ELAVL3: variants seen among roughly 807,000 people sequenced by gnomAD.
ELAVL3 encodes the protein ELAV-like protein 3.
In ELAVL3, 8 loss-of-function variants were observed where a neutral mutation model predicts 34.2. That is an observed-to-expected ratio of 0.23 (90% CI 0.14 to 0.42). ELAVL3 has a LOEUF of 0.42. Among genes scored for constraint, ELAVL3 ranks in the 10% least tolerant of loss-of-function variants. The pLI, the probability that ELAVL3 is intolerant of heterozygous loss-of-function variation, is 1.00. For missense variants in ELAVL3, 273 were observed against 518.8 expected (o/e 0.53, Z 4.60); for synonymous variants, 209 against 222.1 (o/e 0.94, Z 0.53).
At position 11,454,718 on chromosome 19, in the gene ELAVL3, G is replaced by A. The variant is rs780204044; in HGVS notation, c.912C>T (p.Phe304=). 3.2e-4 allele frequency: 509 copies of A among 1,614,044 alleles called. 1 individual carries two copies. The highest frequency in any genetic ancestry group is 3.9e-4 in the Non-Finnish European group (465 of 1,180,006). ...CGTTGGTGACTGCCCCAAAAGGCCC[G>A]AACAGCTGCCACAGCACGCTCTCGT... ...EADESVLWQL[F]GPFGAVTNVK... The change falls in exon 7 of 7, where the codon TTC becomes TTT. Residue 304 remains phenylalanine, a synonymous_variant. Coordinates refer to ENST00000359227, the MANE Select transcript of ELAVL3 (RefSeq NM_001420.4). This position sits in a 1 kb window ranked among gnomAD's most constrained non-coding sequence, Gnocchi z 9.2.
intron 1 of ELAVL3, among the ~76,000 whole-genome samples, chr19:11,477,793 G>A (rs1599553083): frequency 6.6e-6 from 1 of 151,388 alleles, no homozygotes; most frequent in East Asian, 2.0e-4. Context: ...CCCGGGTTCA[G>A]GCAATTCTTC....
At chr19:11,461,674 C>T (rs990735952) in intron 3 of ELAVL3, among the ~76,000 whole-genome samples, 1 of 151,878 alleles carries the variant, frequency 6.6e-6, no homozygotes, top group Non-Finnish European at 1.5e-5. Context: ...CATGGTTCAC[C>T]ACAGCCTTGA....
chr19:11,455,425 C>T (rs1307411122), intron 6 of ELAVL3, among the ~76,000 whole-genome samples: 14 of 151,808 alleles, frequency 9.2e-5, no homozygotes, highest in East Asian at 5.8e-4. Flanking sequence ...CTCAGCCTCC[C>T]GAGTAGCACC....
intron 3 of ELAVL3, among the ~76,000 whole-genome samples, chr19:11,461,967 A>T (rs1022175568): frequency 4.0e-5 from 6 of 151,856 alleles, no homozygotes; most frequent in African/African-American, 1.5e-4. Context: ...CAAGGTCAGG[A>T]GATCAAGACC....
chr19:11,453,022 C>T lies in ELAVL3; in HGVS notation c.*1504G>A, dbSNP rs1437715782. 6.6e-6 allele frequency: 1 copy of T among 152,138 alleles called. No individual in the cohort carries two copies. Among genetic ancestry groups the T allele is most frequent in the Non-Finnish European group, 1.5e-5 (1 of 68,040 alleles). 9.4% of individuals were successfully genotyped at this position (152,138 alleles called of 1,614,324 possible). A position where few individuals can be genotyped will look rare whatever the true frequency, so the allele number is the denominator to read the frequency against. On this transcript the variant is annotated 3_prime_UTR_variant, in exon 7 of 7. Coordinates refer to ENST00000359227, the MANE Select transcript of ELAVL3 (RefSeq NM_001420.4). Reference sequence around the variant, plus strand: ...GTGGGGCTGGGCCTTTGGGCCCATCCACCCCACCCTGGGCCTGGCGGGGAG... The same window carrying T: ...GTGGGGCTGGGCCTTTGGGCCCATCTACCCCACCCTGGGCCTGGCGGGGAG...
rs1238896962 is a variant in ELAVL3 at position 11,451,526 on chromosome 19, A to G, written c.*3000T>C. On this transcript the variant is annotated 3_prime_UTR_variant, in exon 7 of 7. Coordinates refer to ENST00000359227, the MANE Select transcript of ELAVL3 (RefSeq NM_001420.4). ...TTTTTTTTTTTTTTTACAGTTTTTTATCACCTCCAACATGGACTCTGTCGT... is the reference window on the plus strand; with the variant it reads ...TTTTTTTTTTTTTTTACAGTTTTTTGTCACCTCCAACATGGACTCTGTCGT... 1 of 15,604 alleles carries G rather than the reference A, an allele frequency of 6.4e-5. No homozygotes were observed. Among genetic ancestry groups the G allele is most frequent in the Non-Finnish European group, 1.3e-4 (1 of 7,852 alleles). The allele number at this position is 15,604 out of a possible 1,614,324, so 1.0% of individuals were successfully genotyped here. A position where few individuals can be genotyped will look rare whatever the true frequency, so the allele number is the denominator to read the frequency against.
rs35672237 is a variant in ELAVL3, at chr19:11,475,612, C to CTT, written c.9+4986_9+4987dup. ...AGTCACTGCACCTGGTCACCATCTA[C>CTT]TTTTTTTTTTTTTTTTTTTGAGACA... On this transcript the variant is annotated intron_variant, in intron 1 of 6. Transcript: ENST00000359227. 1.9e-3 allele frequency among the ~76,000 whole-genome samples: 250 copies of CTT among 133,738 alleles called. 1 individual carries two copies. The highest frequency in any genetic ancestry group is 6.2e-3 in the African/African-American group (220 of 35,702). 87.7% of individuals were successfully genotyped at this position (133,738 alleles called of 152,430 possible). A position where few individuals can be genotyped will look rare whatever the true frequency, so the allele number is the denominator to read the frequency against.
At chr19:11,456,620 C>T (rs1402357013) in intron 6 of ELAVL3, among the ~76,000 whole-genome samples, 5 of 150,052 alleles carry the variant, frequency 3.3e-5, no homozygotes, top group Admixed American at 6.6e-5. Context: ...CTGCTTCAGC[C>T]TCCTGAGTAG....
chr19:11,464,101 C>G (rs935761932), intron 3 of ELAVL3, among the ~76,000 whole-genome samples: 3 of 142,928 alleles, frequency 2.1e-5, no homozygotes, highest in Non-Finnish European at 4.5e-5. Context: ...CTCTCTCCCT[C>G]TCTCTCTCTC....
At chr19:11,470,494 C>T (rs1599546604) in intron 1 of ELAVL3, among the ~76,000 whole-genome samples, 1 of 149,958 alleles carries the variant, frequency 6.7e-6, no homozygotes, top group Admixed American at 6.7e-5. Flanking sequence ...GGAGAAACCC[C>T]GTTTGCTACT....
Position 11,466,777 on chromosome 19 carries a change from C to T in ELAVL3, c.60G>A (p.Pro20=), listed in dbSNP as rs376173394. The change falls in exon 2 of 7, where the codon CCG becomes CCA. Residue 20 remains proline (P), a synonymous_variant. Coordinates refer to ENST00000359227, the MANE Select transcript of ELAVL3 (RefSeq NM_001420.4). This position sits in a 1 kb window ranked among gnomAD's most constrained non-coding sequence, Gnocchi z 5.0. The part of the protein sequence containing the change: ...ESQVGGGPAG[P]ALPNGPLLGT... Reference sequence around the variant, plus strand: ...CAAGGAGTGGCCCGTTGGGCAGGGCCGGGCCGGCCGGGCCCCCCCCCACCT... The same window carrying T: ...CAAGGAGTGGCCCGTTGGGCAGGGCTGGGCCGGCCGGGCCCCCCCCCACCT... 6.2e-6 allele frequency: 10 copies of T among 1,613,102 alleles called. No individual in the cohort carries two copies. Among genetic ancestry groups the T allele is most frequent in the African/African-American group, 1.3e-5 (1 of 74,890 alleles).
chr19:11,455,104 A>G (rs311796), intron 6 of ELAVL3, among the ~76,000 whole-genome samples: 41,334 of 149,884 alleles, frequency 0.28, 9,096 homozygotes, highest in African/African-American at 0.61. Context: ...GCTCAAGCAA[A>G]CCTCCCGCCT....
At chr19:11,472,834 G>T (rs181716588) in intron 1 of ELAVL3, among the ~76,000 whole-genome samples, 2 of 152,078 alleles carry the variant, frequency 1.3e-5, no homozygotes, top group African/African-American at 2.4e-5. Context: ...GGAGACCAAG[G>T]GGGGGTGGAT....
intron 3 of ELAVL3, among the ~76,000 whole-genome samples, chr19:11,463,355 C>G (rs1210361557): frequency 6.6e-6 from 1 of 152,208 alleles, no homozygotes; most frequent in Admixed American, 6.5e-5. Context: ...CAGGGACAGA[C>G]AGAAGGCCAT....
intron 3 of ELAVL3, among the ~76,000 whole-genome samples, chr19:11,459,708 TG>T (rs1381046060): frequency 6.6e-6 from 1 of 152,056 alleles, no homozygotes; most frequent in East Asian, 1.9e-4. Context: ...CCACCATGCC[TG>T]GCCTATTTTT....
rs1451401279 is a variant in ELAVL3, at chr19:11,454,361, C to T, written c.*165G>A. The T allele has an allele frequency of 4.4e-6, 3 of 685,562 alleles. No homozygotes were observed. The highest frequency in any genetic ancestry group is 5.9e-5 in the Admixed American group (2 of 33,834). 42.5% of individuals were successfully genotyped at this position (685,562 alleles called of 1,614,324 possible). A position where few individuals can be genotyped will look rare whatever the true frequency, so the allele number is the denominator to read the frequency against. ...CCCCAATTCCCTGCAGACCCTCCCA[C>T]CCCAGAGTGCTCACCCTGTGGCTTC... On this transcript the variant is annotated 3_prime_UTR_variant, in exon 7 of 7. Coordinates refer to ENST00000359227, the MANE Select transcript of ELAVL3 (RefSeq NM_001420.4). This position sits in a 1 kb window ranked among gnomAD's most constrained non-coding sequence, Gnocchi z 9.2.
chr19:11,474,534 G>C (rs1481709901), intron 1 of ELAVL3, among the ~76,000 whole-genome samples: 1 of 151,960 alleles, frequency 6.6e-6, no homozygotes, highest in African/African-American at 2.4e-5. Flanking sequence ...GTTGCAGTGA[G>C]TTGAGACTGT....
At chr19:11,456,593 A>G (rs1029504691) in intron 6 of ELAVL3, among the ~76,000 whole-genome samples, 2 of 139,734 alleles carry the variant, frequency 1.4e-5, no homozygotes, top group African/African-American at 2.7e-5. Context: ...TCCTCCTTCC[A>G]TGTTCAAGCG....
In ELAVL3 at chr19:11,454,794, G is replaced by A. The variant is rs371354561; in HGVS notation, c.836C>T (p.Ala279Val). 89 of 1,612,620 alleles carry A rather than the reference G, an allele frequency of 5.5e-5. No homozygotes were observed. The highest frequency in any genetic ancestry group is 1.5e-4 in the Admixed American group (9 of 59,992). Residue 279 changes from alanine to valine, a missense_variant, in exon 7 of 7, where the codon GCG becomes GTG. This residue lies in a region of ELAVL3 where 79 missense variants were observed against 108.2 expected (regional missense o/e 0.73). Transcript: ENST00000359227. The surrounding 1 kb of genome is among the most constrained non-coding windows in gnomAD (Gnocchi z 9.2). ...GLAGVGLSGG[A>V]AGAGWCIFVY... ...GAAGATGCACCAGCCGGCGCCCGCC[G>A]CGCCCCCCGACAGGCCCACGCCCGC... is the stretch of plus-strand genomic sequence containing the variant.
Sources: gnomAD v4.1 joint callset for allele counts (sites outside exome capture counted in the v4.1 genomes callset) on GRCh38, gnomAD v4.1.1 for gene constraint, gnomAD v4.1.1 regional missense constraint, Gnocchi (gnomAD v3.1) non-coding constraint, MANE v1.5 for transcripts, NCBI Gene and HGNC (gene_info 2026-07-23, HGNC 2026-07-21) for gene names.